The following CEACAM3 variants were observed in gnomAD, a reference collection of about 807,000 sequenced individuals.
CEACAM3 encodes CEA cell adhesion molecule 3, also known as cell adhesion molecule CEACAM3.
Under a neutral mutation model 30.1 loss-of-function variants are expected in CEACAM3, and 32 were observed. The observed-to-expected ratio is 1.06, with a 90% CI of 0.80 to 1.43. The LOEUF (loss-of-function observed/expected upper bound fraction) is 1.43, where lower values mean the gene tolerates loss of function less well. Among genes scored for constraint, CEACAM3 ranks in the 40% most tolerant of loss-of-function variants. The pLI is 0.00. For missense variants in CEACAM3, 290 were observed against 316.3 expected, an observed-to-expected ratio of 0.92 and a Z score of 0.63; for synonymous variants, 134 against 127.2, an observed-to-expected ratio of 1.05 and a Z score of -0.36.
intron 4 of CEACAM3, 131 bp from the exon 5 acceptor site, chr19:41,810,192 C>G (rs1189571675): frequency 2.4e-5 from 32 of 1,334,822 alleles, no homozygotes; most frequent in Non-Finnish European, 3.3e-5. Context: ...CACCTGTGGG[C>G]TCTGGGTCAT....
In CEACAM3 at chr19:41,803,463, T is replaced by G. The variant is rs1323436435; in HGVS notation, c.425-5350T>G. Among the ~76,000 whole-genome samples, 889 of 103,202 alleles carry G rather than the reference T, an allele frequency of 8.6e-3. 14 individuals are homozygous for G. The highest frequency in any genetic ancestry group is 0.019 in the African/African-American group (692 of 35,534). The allele number at this position is 103,202 out of a possible 152,430, so 67.7% of individuals were successfully genotyped here. ...GTGTGTGTGTGTGTGTGTGTGTTGT[T>G]TTGTTTGTTTTTTTTTTTTTTGAGA... is the stretch of plus-strand genomic sequence containing the variant. On this transcript the variant is annotated intron_variant, in intron 2 of 6. Coordinates refer to ENST00000357396, the MANE Select transcript of CEACAM3 (RefSeq NM_001815.5).
At chr19:41,805,169 C>A (rs2073188123) in intron 2 of CEACAM3, among the ~76,000 whole-genome samples, 1 of 152,030 alleles carries the variant, frequency 6.6e-6, no homozygotes, top group African/African-American at 2.4e-5. Flanking sequence ...AGACACCAAG[C>A]TGTACAGCAG....
chr19:41,805,167 A>G (rs2073188092), intron 2 of CEACAM3, among the ~76,000 whole-genome samples: 1 of 152,104 alleles, frequency 6.6e-6, no homozygotes, highest in Non-Finnish European at 1.5e-5. Context: ...ATAGACACCA[A>G]GCTGTACAGC....
Position 41,810,361 on chromosome 19 carries a change from C to T in CEACAM3, c.627+7C>T. 1.2e-6 allele frequency: 2 copies of T among 1,600,250 alleles called. No homozygotes were observed. The highest frequency in any genetic ancestry group is 1.7e-6 in the Non-Finnish European group (2 of 1,173,968). ...CCACAGCTCTGCCTTCTCGGTAAGC[C>T]TGTCCCCTTCCAGCCCCTTTCTACT... On this transcript the variant is annotated splice_region_variant and intron_variant, in intron 5 of 6. Coordinates refer to ENST00000357396, the MANE Select transcript of CEACAM3 (RefSeq NM_001815.5).
chr19:41,811,206 G>T lies in CEACAM3; in HGVS notation c.728G>T (p.Arg243Leu). The change falls in exon 7 of 7, where the codon CGG becomes CTG. Residue 243 changes from arginine to leucine, a missense_variant. Physicochemically the swap from Arg to Leu is moderately radical, Grantham distance 102 (BLOSUM62 -2). Transcript: ENST00000357396. ...LLKHDTNIYC[R>L]MDHKAEVAS ...AAACATGACACAAACATTTACTGCC[G>T]GATGGACCACAAAGCAGAAGTGGCT... The T allele has an allele frequency of 2.5e-6, 4 of 1,614,012 alleles. No homozygotes were observed. The highest frequency in any genetic ancestry group is 3.4e-6 in the Non-Finnish European group (4 of 1,180,006).
Position 41,808,864 on chromosome 19 carries a change from G to T in CEACAM3, c.476G>T (p.Gly159Val). Reference sequence around the variant, plus strand: ...GGGGCCGTCGCCGGCATCGTGACCGGGGTCCTGGTCGGAGTGGCGCTGGTG... The same window carrying T: ...GGGGCCGTCGCCGGCATCGTGACCGTGGTCCTGGTCGGAGTGGCGCTGGTG... ...PVGAVAGIVTGVLVGVALVAA... is the reference protein window; with the variant it reads ...PVGAVAGIVTVVLVGVALVAA... The change falls in exon 3 of 7, where the codon GGG (glycine) becomes GTG (valine). Residue 159 changes from glycine to valine, a missense_variant. Coordinates refer to ENST00000357396, the MANE Select transcript of CEACAM3 (RefSeq NM_001815.5). 6.2e-7 allele frequency: 1 copy of T among 1,611,292 alleles called. No homozygotes were observed. The highest frequency in any genetic ancestry group is 8.5e-7 in the Non-Finnish European group (1 of 1,178,612).
At chr19:41,805,107 C>A (rs1568741385) in intron 2 of CEACAM3, among the ~76,000 whole-genome samples, 1 of 151,858 alleles carries the variant, frequency 6.6e-6, no homozygotes, top group Admixed American at 6.6e-5. Context: ...AATTAGAAAT[C>A]CAAAACACTT....
intron 2 of CEACAM3, chr19:41,807,165 AG>A: frequency 1.2e-6 from 2 of 1,610,036 alleles, no homozygotes; most frequent in Non-Finnish European, 1.7e-6. Context: ...AAGGAGGACA[AG>A]GATGCTGTGG....
intron 5 of CEACAM3, 43 bp downstream of exon 5, chr19:41,810,397 C>T (rs1555827451): frequency 6.4e-7 from 1 of 1,569,834 alleles, no homozygotes; most frequent in Admixed American, 1.9e-5. Context: ...GGGGTCCCAG[C>T]TGTGCAGGCT....
At chr19:41,800,339 T>C (rs947240116) in intron 2 of CEACAM3, among the ~76,000 whole-genome samples, 2 of 152,156 alleles carry the variant, frequency 1.3e-5, no homozygotes, top group African/African-American at 4.8e-5. Context: ...AGACGCCCGT[T>C]GCCAGGCAGA....
intron 2 of CEACAM3, chr19:41,807,067 C>T: frequency 6.2e-7 from 1 of 1,608,152 alleles, no homozygotes. Flanking sequence ...GTGGAGGAAT[C>T]ACAGGTGCCA....
chr19:41,796,660 G>A lies in CEACAM3; in HGVS notation c.-18G>A, dbSNP rs1374879602. 5.6e-6 allele frequency: 9 copies of A among 1,614,022 alleles called. No individual in the cohort carries two copies. Among genetic ancestry groups the A allele is most frequent in the Non-Finnish European group, 7.6e-6 (9 of 1,179,968 alleles). Reference sequence around the variant, plus strand: ...AGGCTCTTTTCCACAGAGGAGGAAAGAGCAGGCAGCAGAGACCATGGGGCC... The same window carrying A: ...AGGCTCTTTTCCACAGAGGAGGAAAAAGCAGGCAGCAGAGACCATGGGGCC... On this transcript the variant is annotated 5_prime_UTR_variant, in exon 1 of 7. Coordinates refer to ENST00000357396, the MANE Select transcript of CEACAM3 (RefSeq NM_001815.5).
chr19:41,800,879 C>T (rs1028089315), intron 2 of CEACAM3, among the ~76,000 whole-genome samples: 36 of 152,032 alleles, frequency 2.4e-4, no homozygotes, highest in Admixed American at 2.3e-3. Flanking sequence ...GGTAGTGATC[C>T]CCCCGGGGCC....
intron 2 of CEACAM3, chr19:41,807,290 C>A: frequency 6.2e-7 from 1 of 1,608,506 alleles, no homozygotes; most frequent in Non-Finnish European, 8.5e-7. Flanking sequence ...GACCCTCACT[C>A]TACTCAGTGT....
intron 2 of CEACAM3, chr19:41,807,546 C>A: frequency 7.5e-7 from 1 of 1,327,840 alleles, no homozygotes. Flanking sequence ...CAGCCTTGAC[C>A]AAGAATAGGA....
chr19:41,797,674 G>A lies in CEACAM3; in HGVS notation c.150G>A (p.Glu50=), dbSNP rs1177086084. 6.8e-6 allele frequency: 11 copies of A among 1,614,030 alleles called. No individual in the cohort carries two copies. The highest frequency in any genetic ancestry group is 8.5e-6 in the Non-Finnish European group (10 of 1,180,038). Residue 50 remains glutamate (E), a synonymous_variant, in exon 2 of 7, where the codon GAG becomes GAA. Transcript: ENST00000357396. ...CGCTCAGTGTCGCAGAGGGGAAGGAGGTGCTTCTACTTGTCCACAATCTGC... is the reference window on the plus strand; with the variant it reads ...CGCTCAGTGTCGCAGAGGGGAAGGAAGTGCTTCTACTTGTCCACAATCTGC... The part of the protein sequence containing the change: ...SMPLSVAEGK[E]VLLLVHNLPQ...
rs782181010 is a variant in CEACAM3, at chr19:41,796,631, G to T, written c.-47G>T. Reference sequence around the variant, plus strand: ...TAGCCCTGACTACAGCATTCCTGGAGCCCAGGCTCTTTTCCACAGAGGAGG... The same window carrying T: ...TAGCCCTGACTACAGCATTCCTGGATCCCAGGCTCTTTTCCACAGAGGAGG... On this transcript the variant is annotated 5_prime_UTR_variant, in exon 1 of 7. Transcript: ENST00000357396. 10 of 1,606,168 alleles carry T rather than the reference G, an allele frequency of 6.2e-6. No individual in the cohort carries two copies. The East Asian group carries it at 2.2e-4, about 36-fold the overall frequency.
chr19:41,810,226 G>A, intron 4 of CEACAM3, 97 bp from the exon 5 acceptor site: 2 of 1,471,448 alleles, frequency 1.4e-6, no homozygotes, highest in South Asian at 2.4e-5. Flanking sequence ...AACCTCAGCT[G>A]CTCAGGTATC....
intron 2 of CEACAM3, chr19:41,807,616 AG>A (rs1451670384): frequency 1.6e-5 from 19 of 1,209,968 alleles, no homozygotes; most frequent in Non-Finnish European, 1.8e-5. Flanking sequence ...TGGGAGAAAC[AG>A]GTGAATATCT....
Sources: gnomAD v4.1 joint callset for allele counts (sites outside exome capture counted in the v4.1 genomes callset) on GRCh38, gnomAD v4.1.1 for gene constraint, MANE v1.5 for transcripts, NCBI Gene and HGNC (gene_info 2026-07-23, HGNC 2026-07-21) for gene names.